Variants in PDE6A observed in about 807,000 individuals in gnomAD.
The protein encoded by PDE6A is rod cGMP-specific 3',5'-cyclic phosphodiesterase subunit alpha.
A neutral mutation model predicts 106.3 loss-of-function variants in PDE6A; 84 were observed. The observed-to-expected ratio is 0.79, with a 90% CI of 0.66 to 0.95. PDE6A has a LOEUF of 0.95. Among genes scored for constraint, PDE6A ranks in the 40% least tolerant of loss-of-function variants. The pLI is 0.00. For missense variants in PDE6A, 1,052 were observed against 1,084.9 expected (o/e 0.97, Z 0.43); for synonymous variants, 394 against 386.6 (o/e 1.02, Z -0.23).
intron 3 of PDE6A, chr5:149,932,162 A>C: frequency 1.6e-6 from 2 of 1,224,448 alleles, no homozygotes; most frequent in South Asian, 2.4e-5. Context: ...GTGAAGCTGC[A>C]TCTACAACAG....
At chr5:149,876,393 C>T (rs1310351998) in intron 17 of PDE6A, among the ~76,000 whole-genome samples, 1 of 147,642 alleles carries the variant, frequency 6.8e-6, no homozygotes, top group Non-Finnish European at 1.5e-5. Flanking sequence ...CTCTGTTGCC[C>T]AGGCTGGAGG....
rs147719441 is a variant in PDE6A, at chr5:149,919,802, A to G, written c.933+1833T>C. On this transcript the variant is annotated intron_variant, in intron 5 of 21. Coordinates refer to ENST00000255266, the MANE Select transcript of PDE6A (RefSeq NM_000440.3). ...ATACACCACTTTTTAAAAGACTGCT[A>G]TTTTTTTTTCCATGAAGGCTTTTTA... Among the ~76,000 whole-genome samples the G allele has an allele frequency of 7.2e-3, 1,094 of 151,604 alleles. 14 individuals carry two copies. Among genetic ancestry groups the G allele is most frequent in the African/African-American group, 0.025 (1,033 of 41,362 alleles).
chr5:149,868,289 C>T, intron 17 of PDE6A, 131 bp from the exon 18 acceptor site: 1 of 843,448 alleles, frequency 1.2e-6, no homozygotes. Flanking sequence ...AAAGGGCTCA[C>T]CCCCATTGCA....
Position 149,860,257 on chromosome 5 carries a change from G to A in PDE6A, c.*638C>T, listed in dbSNP as rs1011774328. The stretch of plus-strand genomic sequence containing the variant: ...AAAAGAAAATGTAAAAAGGACAGAC[G>A]AAATGCATGTAGCAAAATCTTGATA... On this transcript the variant is annotated 3_prime_UTR_variant, in exon 22 of 22. Transcript: ENST00000255266. 6.6e-5 allele frequency: 10 copies of A among 152,186 alleles called. No homozygotes were observed. The highest frequency in any genetic ancestry group is 2.6e-4 in the Admixed American group (4 of 15,260). The allele number at this position is 152,186 out of a possible 1,614,324, so 9.4% of individuals were successfully genotyped here.
intron 13 of PDE6A, among the ~76,000 whole-genome samples, chr5:149,890,783 G>C (rs892927363): frequency 7.9e-5 from 12 of 152,120 alleles, no homozygotes; most frequent in African/African-American, 2.7e-4. Context: ...GAAGAAACTG[G>C]TTCATAAAAC....
chr5:149,931,216 T>C, intron 3 of PDE6A, 48 bp from the exon 4 acceptor site: 1 of 1,542,704 alleles, frequency 6.5e-7, no homozygotes, highest in East Asian at 2.2e-5. Flanking sequence ...TGCAAAGTAG[T>C]AGCTCACTTA....
In PDE6A at chr5:149,931,152, C is replaced by A. The variant is rs918664421; in HGVS notation, c.734G>T (p.Gly245Val). ...CGTAAGTTCTTCAAAGACTTTGCTC[C>A]CAGACCACAGCAGTATCTGAAAAAA... is the stretch of plus-strand genomic sequence containing the variant. ...TRRGQILLWS[G>V]SKVFEELTDI... The change falls in exon 4 of 22, where the codon GGG becomes GTG. Residue 245 changes from glycine to valine, a missense_variant. Transcript: ENST00000255266. 6.2e-7 allele frequency: 1 copy of A among 1,613,930 alleles called. No individual in the cohort carries two copies. The highest frequency in any genetic ancestry group is 1.3e-5 in the African/African-American group (1 of 74,882).
chr5:149,933,935 C>T lies in PDE6A; in HGVS notation c.712G>A (p.Gly238Ser). 1 of 1,612,632 alleles carries T rather than the reference C, an allele frequency of 6.2e-7. No individual in the cohort carries two copies. The highest frequency in any genetic ancestry group is 8.5e-7 in the Non-Finnish European group (1 of 1,178,822). The change falls in exon 3 of 22, where the codon GGC becomes AGC. Residue 238 changes from glycine to serine, a missense_variant. Around this residue, in one of 3 missense-constraint regions of PDE6A, gnomAD observed 913 missense variants for 915.2 expected, o/e 1.00. Transcript: ENST00000255266. ...SYLHNCETRR[G>S]QILLWSGSKV... is the part of the protein sequence containing the mutation. ...CCTTGGCCCAAGCCCCTTACCTGGC[C>T]ACGTCGAGTTTCACAGTTGTGCAGG...
chr5:149,917,720 G>A (rs909780526), intron 5 of PDE6A, among the ~76,000 whole-genome samples: 1 of 152,198 alleles, frequency 6.6e-6, no homozygotes, highest in Non-Finnish European at 1.5e-5. Context: ...ACTAGACCTA[G>A]AGTGAGGATT....
At chr5:149,887,344 G>C (rs927201208) in intron 13 of PDE6A, among the ~76,000 whole-genome samples, 1 of 152,134 alleles carries the variant, frequency 6.6e-6, no homozygotes, top group African/African-American at 2.4e-5. Context: ...TGTATATGAG[G>C]TGCATAGAAT....
intron 4 of PDE6A, among the ~76,000 whole-genome samples, chr5:149,923,322 AC>A (rs1375176645): frequency 6.6e-6 from 1 of 151,748 alleles, no homozygotes; most frequent in Admixed American, 6.6e-5. Context: ...ACATGGCAAA[AC>A]CCCGTCTCTA....
Position 149,920,993 on chromosome 5 carries a change from A to AGAAAGAAAGAAAGAAAGAAG in PDE6A, c.933+641_933+642insCTTCTTTCTTTCTTTCTTTC, listed in dbSNP as rs1561769576. Among the ~76,000 whole-genome samples, 10 of 99,196 alleles carry AGAAAGAAAGAAAGAAAGAAG rather than the reference A, an allele frequency of 1.0e-4. No individual in the cohort carries two copies. The Admixed American group carries it at 1.0e-3, about 10-fold the overall frequency. The allele number at this position is 99,196 out of a possible 152,430, so 65.1% of individuals were successfully genotyped here. On this transcript the variant is annotated intron_variant, in intron 5 of 21. Coordinates refer to ENST00000255266, the MANE Select transcript of PDE6A (RefSeq NM_000440.3). Reference sequence around the variant, plus strand: ...AAGAAAGAAAGAAAGAAAGAAAGAAAGAAAAAGAAAGAAAATAGAAAACCT... The same window carrying AGAAAGAAAGAAAGAAAGAAG: ...AAGAAAGAAAGAAAGAAAGAAAGAAAGAAAGAAAGAAAGAAAGAAGGAAAAAGAAAGAAAATAGAAAACCT...
chr5:149,921,043 C>A (rs893008578), intron 5 of PDE6A, among the ~76,000 whole-genome samples: 2 of 151,886 alleles, frequency 1.3e-5, no homozygotes, highest in Non-Finnish European at 2.9e-5. Context: ...GTGTATCTGT[C>A]AGCTGGAATT....
At chr5:149,883,196 T>A (rs181572004) in intron 17 of PDE6A, among the ~76,000 whole-genome samples, 190 of 152,384 alleles carry the variant, frequency 1.2e-3, no homozygotes, top group African/African-American at 4.4e-3. Flanking sequence ...CATATTTTTT[T>A]ATTCAGATAA....
At chr5:149,941,995 T>C (rs2113670447) in intron 1 of PDE6A, among the ~76,000 whole-genome samples, 1 of 152,164 alleles carries the variant, frequency 6.6e-6, no homozygotes, top group African/African-American at 2.4e-5. Flanking sequence ...AGGGTCACAC[T>C]CTGGCACTCA....
chr5:149,883,456 A>G lies in PDE6A; in HGVS notation c.2108T>C (p.Leu703Pro). 1 of 1,613,392 alleles carries G rather than the reference A, an allele frequency of 6.2e-7. No homozygotes were observed. The highest frequency in any genetic ancestry group is 8.5e-7 in the Non-Finnish European group (1 of 1,179,330). ...AACGATTTCCTTCCGTGTCTGCTCC[A>G]GCATCATGTACTGTGTCCACTCCTG... ...SEQEWTQYMM[L>P]EQTRKEIVMA... Residue 703 changes from leucine to proline, a missense_variant, in exon 17 of 22, where the codon CTG becomes CCG. By Grantham distance (98) the Leu-to-Pro change is moderately conservative. Around this residue, in one of 3 missense-constraint regions of PDE6A, gnomAD observed 913 missense variants for 915.2 expected, o/e 1.00. Transcript: ENST00000255266.
chr5:149,866,676 T>G (rs1760342430), intron 19 of PDE6A: 1 of 204,730 alleles, frequency 4.9e-6, no homozygotes, highest in African/African-American at 2.3e-5. Flanking sequence ...TAGATGATAC[T>G]GAAGTATATG....
intron 3 of PDE6A, chr5:149,932,310 C>T: frequency 6.9e-7 from 1 of 1,439,286 alleles, no homozygotes; most frequent in Non-Finnish European, 9.8e-7. Context: ...GCCAACTGCA[C>T]GGATTTCTTC....
chr5:149,929,727 G>A (rs780767811), intron 4 of PDE6A, among the ~76,000 whole-genome samples: 1 of 152,084 alleles, frequency 6.6e-6, no homozygotes, highest in African/African-American at 2.4e-5. Context: ...GGTGTTAAAC[G>A]TCAGATGGTG....
Sources: gnomAD v4.1 joint callset for allele counts (sites outside exome capture counted in the v4.1 genomes callset) on GRCh38, gnomAD v4.1.1 for gene constraint, gnomAD v4.1.1 regional missense constraint, MANE v1.5 for transcripts, NCBI Gene and HGNC (gene_info 2026-07-23, HGNC 2026-07-21) for gene names.